Variants in SOX5 observed in about 807,000 individuals in gnomAD.
SOX5 encodes transcription factor SOX-5.
A neutral mutation model predicts 92.0 loss-of-function variants in SOX5; 9 were observed. The ratio of observed to expected loss-of-function variants is 0.10; its 90% CI spans 0.06 to 0.17. The LOEUF (loss-of-function observed/expected upper bound fraction) is 0.17. Among genes scored for constraint, SOX5 ranks in the 10% least tolerant of loss-of-function variants. The pLI is 1.00. For synonymous variants in SOX5, 344 were observed against 336.3 expected, an observed-to-expected ratio of 1.02 and a Z score of -0.25; for missense variants, 642 against 944.5, an observed-to-expected ratio of 0.68 and a Z score of 4.20.
chr12:24,317,188 T>C (rs145373080), intron 2 of SOX5, among the ~76,000 whole-genome samples: 1 of 152,222 alleles, frequency 6.6e-6, no homozygotes, highest in South Asian at 2.1e-4. Context: ...ATGCTCTAAG[T>C]ATTATTTTAA....
intron 8 of SOX5, among the ~76,000 whole-genome samples, chr12:23,614,390 C>T (rs1403219568): frequency 6.6e-6 from 1 of 152,156 alleles, no homozygotes; most frequent in Non-Finnish European, 1.5e-5. Context: ...TTTGTTGTCC[C>T]CACTACTGGG....
intron 1 of SOX5, among the ~76,000 whole-genome samples, chr12:24,376,109 A>C (rs961229171): frequency 3.3e-5 from 5 of 152,354 alleles, no homozygotes; most frequent in Admixed American, 3.3e-4. Context: ...AAAGATGCAC[A>C]ATCTAAAATC....
intron 13 of SOX5, among the ~76,000 whole-genome samples, chr12:23,542,876 G>T (rs1323659466): frequency 6.6e-6 from 1 of 152,138 alleles, no homozygotes; most frequent in Non-Finnish European, 1.5e-5. Context: ...GCAAGGAAAT[G>T]AATACAAATG....
At chr12:24,149,595 G>T (rs1951454133) in intron 4 of SOX5, among the ~76,000 whole-genome samples, 2 of 152,128 alleles carry the variant, frequency 1.3e-5, no homozygotes, top group African/African-American at 2.4e-5. Context: ...TCTCCTGGTA[G>T]GAAAACACTG....
intron 1 of SOX5, among the ~76,000 whole-genome samples, chr12:24,409,539 T>G (rs1443676891): frequency 6.6e-6 from 1 of 152,202 alleles, no homozygotes; most frequent in Non-Finnish European, 1.5e-5. Context: ...GTGAAAATGT[T>G]GTCTTTTCTC....
chr12:24,185,104 T>C (rs973382734), intron 4 of SOX5, among the ~76,000 whole-genome samples: 1 of 152,102 alleles, frequency 6.6e-6, no homozygotes, highest in Non-Finnish European at 1.5e-5. Context: ...CTGAAACACA[T>C]TTTCTCACTT....
At chr12:24,497,878 A>C (rs747383389) in intron 1 of SOX5, among the ~76,000 whole-genome samples, 5 of 152,220 alleles carry the variant, frequency 3.3e-5, no homozygotes, top group Non-Finnish European at 7.3e-5. Flanking sequence ...CATAAAAAGA[A>C]TGAGATCATA....
At chr12:24,075,393 A>G (rs1942435646) in intron 4 of SOX5, among the ~76,000 whole-genome samples, 1 of 151,804 alleles carries the variant, frequency 6.6e-6, no homozygotes. Flanking sequence ...TATATTTGTC[A>G]ATATGTTTTG....
At chr12:24,399,165 GCTTT>G (rs1339966083) in intron 1 of SOX5, among the ~76,000 whole-genome samples, 1 of 151,864 alleles carries the variant, frequency 6.6e-6, no homozygotes, top group Non-Finnish European at 1.5e-5. Flanking sequence ...AGCTAAAATA[GCTTT>G]CTTTTCAAAT....
chr12:24,046,470 TATC>T (rs1464659953), intron 4 of SOX5, among the ~76,000 whole-genome samples: 9 of 152,326 alleles, frequency 5.9e-5, no homozygotes, highest in African/African-American at 2.2e-4. Flanking sequence ...AGCTTATTAA[TATC>T]TGTGATATCC....
chr12:24,357,176 A>G lies in SOX5; in HGVS notation c.-174+11387T>C, dbSNP rs540134274. ...TAAGTGGGGCATGGTGGGGAGAAATAATGACTTTCATTGGGTTATTTATCT... is the reference window on the plus strand; with the variant it reads ...TAAGTGGGGCATGGTGGGGAGAAATGATGACTTTCATTGGGTTATTTATCT... On this transcript the variant is annotated intron_variant, in intron 2 of 4. Transcript: ENST00000446891. Among the ~76,000 whole-genome samples the G allele has an allele frequency of 1.1e-3, 163 of 152,316 alleles. No individual in the cohort carries two copies. In the South Asian group the frequency reaches 0.011, roughly 10 times the overall value.
intron 3 of SOX5, among the ~76,000 whole-genome samples, chr12:24,248,444 A>C (rs1024988196): frequency 6.6e-6 from 1 of 152,172 alleles, no homozygotes; most frequent in African/African-American, 2.4e-5. Context: ...TCTATTGCCC[A>C]AGGCTAAAGT....
intron 5 of SOX5, among the ~76,000 whole-genome samples, chr12:23,736,296 C>A (rs1218351444): frequency 1.3e-5 from 2 of 151,880 alleles, no homozygotes; most frequent in African/African-American, 4.8e-5. Context: ...CCCATCTCTA[C>A]TAAAAATACA....
At chr12:24,428,560 C>T (rs925426442) in intron 1 of SOX5, among the ~76,000 whole-genome samples, 4 of 150,956 alleles carry the variant, frequency 2.6e-5, no homozygotes, top group African/African-American at 9.7e-5. Context: ...TCGCTTGAGC[C>T]CAGGAGTTTG....
chr12:23,813,995 A>T (rs1481669864), intron 3 of SOX5, among the ~76,000 whole-genome samples: 1 of 152,186 alleles, frequency 6.6e-6, no homozygotes, highest in Non-Finnish European at 1.5e-5. Context: ...ATGAATTTTC[A>T]GACGAAAGAA....
chr12:23,743,707 A>T (rs1368846216), intron 4 of SOX5, among the ~76,000 whole-genome samples: 3 of 152,224 alleles, frequency 2.0e-5, no homozygotes, highest in African/African-American at 7.2e-5. Context: ...AAATCAGCAC[A>T]TACTCAACAC....
intron 1 of SOX5, among the ~76,000 whole-genome samples, chr12:24,543,756 G>A (rs1270819331): frequency 1.3e-5 from 2 of 152,146 alleles, no homozygotes; most frequent in Admixed American, 6.5e-5. Flanking sequence ...AGTAAGGATG[G>A]AGTTACTTGA....
At chr12:23,979,115 T>G (rs1413897099) in intron 4 of SOX5, among the ~76,000 whole-genome samples, 1 of 151,870 alleles carries the variant, frequency 6.6e-6, no homozygotes, top group Non-Finnish European at 1.5e-5. Flanking sequence ...TAGGTATAAT[T>G]TTTTTTTAAT....
chr12:24,256,028 T>C (rs1455356380), intron 3 of SOX5, among the ~76,000 whole-genome samples: 1 of 152,202 alleles, frequency 6.6e-6, no homozygotes, highest in Non-Finnish European at 1.5e-5. Context: ...TAATGTTTTC[T>C]TGGTTACCTA....
Sources: gnomAD v4.1 joint callset for allele counts (sites outside exome capture counted in the v4.1 genomes callset) on GRCh38, gnomAD v4.1.1 for gene constraint, MANE v1.5 for transcripts, NCBI Gene and HGNC (gene_info 2026-07-23, HGNC 2026-07-21) for gene names.